REXO1: variants seen among roughly 807,000 people sequenced by gnomAD.
REXO1 encodes the protein REX1, RNA exonuclease 1 homolog.
In REXO1, 42 loss-of-function variants were observed where a neutral mutation model predicts 102.6. That is an observed-to-expected ratio of 0.41 (90% confidence interval 0.32 to 0.53). The LOEUF (loss-of-function observed/expected upper bound fraction) is 0.53, where lower values mean the gene tolerates loss of function less well. REXO1 is among the 20% of genes least tolerant of loss of function. REXO1 has a pLI of 0.27. For synonymous variants in REXO1, 908 were observed against 779.1 expected (o/e 1.17, Z -2.76); for missense variants, 1,819 against 1,732.5 (o/e 1.05, Z -0.89).
At position 1,817,201 on chromosome 19, in the gene REXO1, G is replaced by A. The variant is rs371555346; in HGVS notation, c.3201+18C>T. ...CTCCCCAATCCTGAACCCGACGCTGGGCAGAGAACAGCCTCACCATCTCGC... is the reference window on the plus strand; with the variant it reads ...CTCCCCAATCCTGAACCCGACGCTGAGCAGAGAACAGCCTCACCATCTCGC... On this transcript the variant is annotated intron_variant, in intron 12 of 15. Coordinates refer to ENST00000170168, the MANE Select transcript of REXO1 (RefSeq NM_020695.4). 1.2e-6 allele frequency: 2 copies of A among 1,610,922 alleles called. No individual in the cohort carries two copies. Among genetic ancestry groups the A allele is most frequent in the African/African-American group, 2.7e-5 (2 of 75,028 alleles).
intron 1 of REXO1, among the ~76,000 whole-genome samples, chr19:1,845,971 C>A (rs1312407415): frequency 6.6e-6 from 1 of 152,196 alleles, no homozygotes; most frequent in African/African-American, 2.4e-5. Context: ...GTTTCCCCAC[C>A]GGCAGCAAAT....
Position 1,823,669 on chromosome 19 carries a change from G to A in REXO1, c.2133C>T (p.Ala711=), listed in dbSNP as rs771509203. The change falls in exon 4 of 16, where the codon GCC becomes GCT. Residue 711 remains alanine, a synonymous_variant. Transcript: ENST00000170168. ...AQRASASLLQ[A]PARLAEKSPS... ...GCGACTTCTCTGCCAGCCTGGCGGG[G>A]GCCTGCAGCAAGCTCGCCGATGCCC... 3 of 1,294,550 alleles carry A rather than the reference G, an allele frequency of 2.3e-6. No homozygotes were observed. The allele number at this position is 1,294,550 out of a possible 1,614,324, so 80.2% of individuals were successfully genotyped here.
intron 6 of REXO1, 42 bp from the exon 7 acceptor site, chr19:1,820,099 G>C: frequency 6.3e-7 from 1 of 1,582,784 alleles, no homozygotes; most frequent in African/African-American, 1.4e-5. Flanking sequence ...TGCCTGCCTG[G>C]TGCCGGGGAG....
chr19:1,817,128 A>AGCCGGG, intron 12 of REXO1, 91 bp downstream of exon 12: 1 of 1,473,366 alleles, frequency 6.8e-7, no homozygotes. Flanking sequence ...CTGGCCGGTG[A>AGCCGGG]GCCAGGCCCA....
rs970444367 is a variant in REXO1, at chr19:1,817,323, C to T, written c.3097G>A (p.Val1033Met). ...SVGCQVAKQH[V>M]QDGRKERLEG... The stretch of plus-strand genomic sequence containing the variant: ...AGGCGCTCCTTCCGGCCATCCTGCA[C>T]GTGTTGCTGGGGGTGGAGAAGGCAG... The change falls in exon 12 of 16, where the codon GTG becomes ATG. Residue 1033 changes from valine to methionine, a missense_variant. Coordinates refer to ENST00000170168, the MANE Select transcript of REXO1 (RefSeq NM_020695.4). 4 of 1,612,374 alleles carry T rather than the reference C, an allele frequency of 2.5e-6. No individual in the cohort carries two copies. The highest frequency in any genetic ancestry group is 3.4e-6 in the Non-Finnish European group (4 of 1,179,940).
At position 1,828,161 on chromosome 19, in the gene REXO1, G is replaced by A. The variant is rs755050987; in HGVS notation, c.628C>T (p.Arg210Trp). The A allele has an allele frequency of 3.9e-5, 62 of 1,610,016 alleles. No individual in the cohort carries two copies. Among genetic ancestry groups the A allele is most frequent in the Admixed American group, 1.0e-4 (6 of 59,038 alleles). The change falls in exon 2 of 16, where the codon CGG becomes TGG. Residue 210 changes from arginine to tryptophan, a missense_variant. Arg to Trp is a moderately radical substitution (Grantham distance 101, BLOSUM62 -3). Coordinates refer to ENST00000170168, the MANE Select transcript of REXO1 (RefSeq NM_020695.4). Reference sequence around the variant, plus strand: ...CTGGGAACGGGGCGGCTGTGCCGCCGGGGCTGGCTCACAGCCTTGGGGACG... The same window carrying A: ...CTGGGAACGGGGCGGCTGTGCCGCCAGGGCTGGCTCACAGCCTTGGGGACG... Reference protein sequence around the residue: ...EYVPKAVSQPRRHSRPVPSGK... With the variant: ...EYVPKAVSQPWRHSRPVPSGK...
chr19:1,831,228 G>GC (rs1188460268), intron 1 of REXO1, among the ~76,000 whole-genome samples: 1 of 152,198 alleles, frequency 6.6e-6, no homozygotes. Flanking sequence ...GTAGCAAAAG[G>GC]CAACAGCCCC....
intron 1 of REXO1, among the ~76,000 whole-genome samples, chr19:1,832,469 G>A (rs928949056): frequency 2.0e-5 from 3 of 152,238 alleles, no homozygotes; most frequent in African/African-American, 7.2e-5. Flanking sequence ...GACAGCGGGA[G>A]GCCGGGACCC....
intron 1 of REXO1, among the ~76,000 whole-genome samples, chr19:1,837,266 G>A (rs950706034): frequency 5.3e-5 from 8 of 152,170 alleles, no homozygotes; most frequent in African/African-American, 1.7e-4. Flanking sequence ...ATGGCCATAC[G>A]TCCACTCTGG....
Position 1,828,275 on chromosome 19 carries a change from C to T in REXO1, c.514G>A (p.Ala172Thr), listed in dbSNP as rs746416805. ...DAGYQPTPLA[A>T]PAEPGSKYSL... The stretch of plus-strand genomic sequence containing the variant: ...TACTTGCTGCCCGGCTCGGCAGGGG[C>T]GGCCAGTGGGGTGGGCTGGTAGCCG... The change falls in exon 2 of 16, where the codon GCC becomes ACC. Residue 172 changes from alanine (A) to threonine (T), a missense_variant. Transcript: ENST00000170168. The T allele has an allele frequency of 1.9e-5, 31 of 1,606,194 alleles. No homozygotes were observed. Among genetic ancestry groups the T allele is most frequent in the Non-Finnish European group, 2.5e-5 (29 of 1,176,432 alleles).
chr19:1,826,750 C>CA lies in REXO1; in HGVS notation c.1911+127dup, dbSNP rs1191041088. 7.7e-6 allele frequency: 11 copies of CA among 1,434,530 alleles called. No homozygotes were observed. Among genetic ancestry groups the CA allele is most frequent in the Non-Finnish European group, 9.2e-6 (10 of 1,086,478 alleles). 88.9% of individuals were successfully genotyped at this position (1,434,530 alleles called of 1,614,324 possible). ...CTGAGATTTCAACGGGCTCAGGGAC[C>CA]AGCACTGAGGAGCTGCCTCCACCCC... On this transcript the variant is annotated intron_variant, in intron 2 of 15. Transcript: ENST00000170168. The surrounding 1 kb of genome is among the most constrained non-coding windows in gnomAD (Gnocchi z 4.3).
At position 1,818,556 on chromosome 19, in the gene REXO1, A is replaced by T. The variant is rs371249431; in HGVS notation, c.2942T>A (p.Leu981His). The change falls in exon 10 of 16, where the codon CTC becomes CAC. Residue 981 changes from leucine (L) to histidine (H), a missense_variant. Transcript: ENST00000170168. ...GATGCAGCGGCCTGAAGAGGACACGAGGTACTCGGTGCCACAGCGGCAGCA... is the reference window on the plus strand; with the variant it reads ...GATGCAGCGGCCTGAAGAGGACACGTGGTACTCGGTGCCACAGCGGCAGCA... ...RTCCRCGTEYLVSSSGRCIRD... is the reference protein window; with the variant it reads ...RTCCRCGTEYHVSSSGRCIRD... The T allele has an allele frequency of 1.9e-6, 3 of 1,612,062 alleles. No homozygotes were observed. The African/African-American group carries it at 4.0e-5, about 21-fold the overall frequency.
rs949020172 is a variant in REXO1, at chr19:1,815,259, C to G, written c.*807G>C. On this transcript the variant is annotated 3_prime_UTR_variant, in exon 16 of 16. Coordinates refer to ENST00000170168, the MANE Select transcript of REXO1 (RefSeq NM_020695.4). This position sits in a 1 kb window ranked among gnomAD's most constrained non-coding sequence, Gnocchi z 4.0. ...ACCACCACAAAATCTAAAATCCATA[C>G]AAACATTTATTCTGTCCCTGCCTGG... 1 of 152,548 alleles carries G rather than the reference C, an allele frequency of 6.6e-6. No individual in the cohort carries two copies. Among genetic ancestry groups the G allele is most frequent in the African/African-American group, 2.4e-5 (1 of 41,442 alleles). The allele number at this position is 152,548 out of a possible 1,614,324, so 9.4% of individuals were successfully genotyped here. A position where few individuals can be genotyped will look rare whatever the true frequency, so the allele number is the denominator to read the frequency against.
rs1408171760 is a variant in REXO1, at chr19:1,818,549, G to A, written c.2949C>T (p.Ser983=). The part of the protein sequence containing the change: ...CCRCGTEYLV[S]SSGRCIRDEE... ...CGTCCCGGATGCAGCGGCCTGAAGA[G>A]GACACGAGGTACTCGGTGCCACAGC... The change falls in exon 10 of 16, where the codon TCC becomes TCT. Residue 983 remains serine, a synonymous_variant. Coordinates refer to ENST00000170168, the MANE Select transcript of REXO1 (RefSeq NM_020695.4). The A allele has an allele frequency of 6.2e-7, 1 of 1,612,014 alleles. No individual in the cohort carries two copies. Among genetic ancestry groups the A allele is most frequent in the African/African-American group, 1.3e-5 (1 of 74,916 alleles).
At chr19:1,833,471 G>A (rs1355816466) in intron 1 of REXO1, among the ~76,000 whole-genome samples, 1 of 152,226 alleles carries the variant, frequency 6.6e-6, no homozygotes, top group Non-Finnish European at 1.5e-5. Context: ...CACAGCCAAG[G>A]ACCCTGGGAG....
Position 1,817,695 on chromosome 19 carries a change from G to A in REXO1, c.3090+12C>T, listed in dbSNP as rs915313914. 6.2e-6 allele frequency: 10 copies of A among 1,610,494 alleles called. No homozygotes were observed. Among genetic ancestry groups the A allele is most frequent in the African/African-American group, 4.0e-5 (3 of 74,912 alleles). On this transcript the variant is annotated intron_variant, in intron 11 of 15. Coordinates refer to ENST00000170168, the MANE Select transcript of REXO1 (RefSeq NM_020695.4). ...GAGAACAGGCAGAGGGGACTGGGAC[G>A]CCAGGGCTCACCTTTGCGACTTGGC...
At chr19:1,821,400 G>T in intron 5 of REXO1, 119 bp downstream of exon 5, 1 of 1,166,512 alleles carries the variant, frequency 8.6e-7, no homozygotes, top group Non-Finnish European at 1.3e-6. Context: ...CTGTACTGCG[G>T]TGTGGAGCAC....
intron 1 of REXO1, among the ~76,000 whole-genome samples, chr19:1,838,932 C>A (rs948498496): frequency 1.3e-5 from 2 of 152,104 alleles, no homozygotes; most frequent in Non-Finnish European, 2.9e-5. Context: ...GCCTGGGCAA[C>A]ATGGTGAAAC....
chr19:1,830,936 A>AG (rs1256068748), intron 1 of REXO1: 3 of 153,900 alleles, frequency 1.9e-5, no homozygotes, highest in Non-Finnish European at 4.4e-5. Context: ...CCTGTGGTTA[A>AG]GGGGGAGGCG....
Sources: allele counts gnomAD v4.1 joint callset (sites outside exome capture counted in the v4.1 genomes callset), GRCh38; gene constraint gnomAD v4.1.1; non-coding constraint Gnocchi (gnomAD v3.1); transcripts MANE v1.5; gene names NCBI Gene and HGNC (gene_info 2026-07-23, HGNC 2026-07-21).